CYP2C19: variants seen among roughly 807,000 people sequenced by gnomAD.
The protein encoded by CYP2C19 is cytochrome P450 family 2 subfamily C member 19.
A neutral mutation model predicts 40.9 loss-of-function variants in CYP2C19; 59 were observed. The ratio of observed to expected loss-of-function variants is 1.44; its 90% CI spans 1.17 to 1.79. The LOEUF is 1.79. Among genes scored for constraint, CYP2C19 ranks in the 40% most tolerant of loss-of-function variants. The pLI, the probability that CYP2C19 is intolerant of heterozygous loss-of-function variation, is 0.00. For synonymous variants in CYP2C19, 253 were observed against 208.7 expected (o/e 1.21, Z -1.83); for missense variants, 754 against 596.9 (o/e 1.26, Z -2.74).
At chr10:94,764,767 A>T (rs1397473535) in intron 1 of CYP2C19, among the ~76,000 whole-genome samples, 1 of 152,130 alleles carries the variant, frequency 6.6e-6, no homozygotes, top group Non-Finnish European at 1.5e-5. Flanking sequence ...CGTTGATCCT[A>T]GAGGAAACAA....
At chr10:94,765,586 A>C (rs982834156) in intron 1 of CYP2C19, among the ~76,000 whole-genome samples, 1 of 152,072 alleles carries the variant, frequency 6.6e-6, no homozygotes, top group Non-Finnish European at 1.5e-5. Context: ...TTCTGTGTCT[A>C]CTAGGAACCA....
chr10:94,796,041 G>A (rs1043208723), intron 5 of CYP2C19, among the ~76,000 whole-genome samples: 10 of 152,116 alleles, frequency 6.6e-5, no homozygotes, highest in African/African-American at 2.4e-4. Context: ...TGTTGCCATT[G>A]CTTTTTGTGT....
In CYP2C19 at chr10:94,853,913, G is replaced by A. The variant is rs1037262396; in HGVS notation, c.*999G>A. ...AATCAGGTTACTTTTATTACTTCAT[G>A]TTTCCAACTTAGAATGAAGTAATGA... On this transcript the variant is annotated 3_prime_UTR_variant, in exon 9 of 9. Coordinates refer to ENST00000371321, the MANE Select transcript of CYP2C19 (RefSeq NM_000769.4). 6.6e-6 allele frequency among the ~76,000 whole-genome samples: 1 copy of A among 152,086 alleles called. No individual in the cohort carries two copies. The highest frequency in any genetic ancestry group is 6.6e-5 in the Admixed American group (1 of 15,258).
intron 6 of CYP2C19, among the ~76,000 whole-genome samples, chr10:94,830,702 A>T (rs1849320159): frequency 6.6e-6 from 1 of 152,074 alleles, no homozygotes; most frequent in Non-Finnish European, 1.5e-5. Flanking sequence ...ATTTTTATTT[A>T]TATTACTTAT....
chr10:94,764,332 T>C (rs1432543419), intron 1 of CYP2C19, among the ~76,000 whole-genome samples: 1 of 152,206 alleles, frequency 6.6e-6, no homozygotes, highest in African/African-American at 2.4e-5. Context: ...TACAGAGTGC[T>C]GATTGGTGTG....
chr10:94,827,603 CA>C (rs930673459), intron 6 of CYP2C19, among the ~76,000 whole-genome samples: 10 of 152,004 alleles, frequency 6.6e-5, no homozygotes, highest in African/African-American at 1.2e-4. Context: ...TTGATCCTTT[CA>C]AAAAAACCAG....
chr10:94,852,938 T>C lies in CYP2C19; in HGVS notation c.*24T>C, dbSNP rs1849678110. On this transcript the variant is annotated 3_prime_UTR_variant, in exon 9 of 9. Transcript: ENST00000371321. ...GAAGAAGCACAGATGGTCTGGCTGC[T>C]CCTGTGCTGTCCCTGCAGCTCTCTT... 1 of 1,612,390 alleles carries C rather than the reference T, an allele frequency of 6.2e-7. No homozygotes were observed. The highest frequency in any genetic ancestry group is 8.5e-7 in the Non-Finnish European group (1 of 1,178,760).
intron 5 of CYP2C19, among the ~76,000 whole-genome samples, chr10:94,784,106 G>T (rs1253608248): frequency 1.3e-5 from 2 of 151,966 alleles, no homozygotes; most frequent in Non-Finnish European, 2.9e-5. Context: ...TCTTTTTTCT[G>T]TCTCTATGGG....
At chr10:94,845,356 T>C (rs1704292552) in intron 7 of CYP2C19, among the ~76,000 whole-genome samples, 1 of 152,212 alleles carries the variant, frequency 6.6e-6, no homozygotes, top group Admixed American at 6.5e-5. Flanking sequence ...AAATTTTTGT[T>C]TCAAAAATAT....
At chr10:94,850,192 T>A in intron 8 of CYP2C19, 134 bp downstream of exon 8, 2 of 1,058,592 alleles carry the variant, frequency 1.9e-6, no homozygotes, top group Non-Finnish European at 2.8e-6. Flanking sequence ...TCTGAATGCC[T>A]GTGTTTTCTC....
In CYP2C19 at chr10:94,775,372, C is replaced by T. The variant is rs368271516; in HGVS notation, c.332-18C>T. ...TTGCCTGGGATCTCCCTCCTAGTTTCGTTTCTCTTCCTGTTAGGAATCGTT... is the reference window on the plus strand; with the variant it reads ...TTGCCTGGGATCTCCCTCCTAGTTTTGTTTCTCTTCCTGTTAGGAATCGTT... On this transcript the variant is annotated intron_variant, in intron 2 of 8. Coordinates refer to ENST00000371321, the MANE Select transcript of CYP2C19 (RefSeq NM_000769.4). 2.4e-5 allele frequency: 38 copies of T among 1,613,356 alleles called. No individual in the cohort carries two copies. In the African/African-American group the frequency reaches 3.1e-4, roughly 13 times the overall value.
At chr10:94,802,437 T>G (rs1848779084) in intron 5 of CYP2C19, among the ~76,000 whole-genome samples, 1 of 152,126 alleles carries the variant, frequency 6.6e-6, no homozygotes, top group South Asian at 2.1e-4. Flanking sequence ...ATCTGCTTGG[T>G]AAATCTTCCT....
In CYP2C19 at chr10:94,854,018, C is replaced by CT. The variant is rs1364630913; in HGVS notation, c.*1110dup. ...TTCAAACATGAACAAAATTTCTTTT[C>CT]TTTTTTCTTTTTTTTTTGAAATGGA... On this transcript the variant is annotated 3_prime_UTR_variant, in exon 9 of 9. Coordinates refer to ENST00000371321, the MANE Select transcript of CYP2C19 (RefSeq NM_000769.4). Among the ~76,000 whole-genome samples, 1 of 151,394 alleles carries CT rather than the reference C, an allele frequency of 6.6e-6. No individual in the cohort carries two copies. Among genetic ancestry groups the CT allele is most frequent in the African/African-American group, 2.4e-5 (1 of 41,212 alleles).
chr10:94,812,329 G>A (rs983610553), intron 5 of CYP2C19, among the ~76,000 whole-genome samples: 1 of 151,906 alleles, frequency 6.6e-6, no homozygotes, highest in Non-Finnish European at 1.5e-5. Context: ...TTTAACCTTG[G>A]TGAATCTGAC....
chr10:94,808,947 C>A (rs940605791), intron 5 of CYP2C19, among the ~76,000 whole-genome samples: 2 of 152,026 alleles, frequency 1.3e-5, no homozygotes, highest in African/African-American at 4.8e-5. Flanking sequence ...TTTGGATATA[C>A]CTAGCAGTGG....
chr10:94,801,770 G>A (rs1458357779), intron 5 of CYP2C19, among the ~76,000 whole-genome samples: 6 of 152,148 alleles, frequency 3.9e-5, no homozygotes, highest in Admixed American at 1.3e-4. Context: ...GAATCTGGAT[G>A]CCCCTGTATT....
chr10:94,851,555 A>G (rs1355256805), intron 8 of CYP2C19, among the ~76,000 whole-genome samples: 2 of 152,260 alleles, frequency 1.3e-5, no homozygotes, highest in East Asian at 3.9e-4. Context: ...ATATCAAAAT[A>G]CCCAAGACTA....
In CYP2C19 at chr10:94,781,806, A is replaced by C; in HGVS notation, c.643-15A>C. ...TTAAATGCTTTTAATTTAATAAATTATTGTTTTCTCTTAGATATGCAATAA... is the reference window on the plus strand; with the variant it reads ...TTAAATGCTTTTAATTTAATAAATTCTTGTTTTCTCTTAGATATGCAATAA... On this transcript the variant is annotated splice_polypyrimidine_tract_variant and intron_variant, in intron 4 of 8. Coordinates refer to ENST00000371321, the MANE Select transcript of CYP2C19 (RefSeq NM_000769.4). 1 of 1,339,094 alleles carries C rather than the reference A, an allele frequency of 7.5e-7. No individual in the cohort carries two copies. Among genetic ancestry groups the C allele is most frequent in the Non-Finnish European group, 9.9e-7 (1 of 1,013,026 alleles). 83.0% of individuals were successfully genotyped at this position (1,339,094 alleles called of 1,614,324 possible).
intron 5 of CYP2C19, among the ~76,000 whole-genome samples, chr10:94,816,671 G>A (rs377051594): frequency 6.7e-6 from 1 of 149,894 alleles, no homozygotes; most frequent in South Asian, 2.1e-4. Flanking sequence ...CTGGTGCGCT[G>A]CACCCACTAA....
Sources: allele counts gnomAD v4.1 joint callset (sites outside exome capture counted in the v4.1 genomes callset), GRCh38; gene constraint gnomAD v4.1.1; transcripts MANE v1.5; gene names NCBI Gene and HGNC (gene_info 2026-07-23, HGNC 2026-07-21).